CACNA1H: variants seen among roughly 807,000 people sequenced by gnomAD.
The protein encoded by CACNA1H is calcium voltage-gated channel subunit alpha1 H.
CACNA1H carries 149 observed loss-of-function variants against 192.5 expected under a neutral mutation model. The ratio of observed to expected loss-of-function variants is 0.77; its 90% CI spans 0.68 to 0.89. The LOEUF (loss-of-function observed/expected upper bound fraction) is 0.89, where lower values mean the gene tolerates loss of function less well. CACNA1H is among the 40% of genes least tolerant of loss of function. The pLI, the probability that CACNA1H is intolerant of heterozygous loss-of-function variation, is 0.00. For missense variants in CACNA1H, 4,257 were observed against 3,423.5 expected (o/e 1.24, Z -6.08); for synonymous variants, 2,202 against 1,475.2 (o/e 1.49, Z -11.29).
chr16:1,211,867 T>C, intron 24 of CACNA1H, 62 bp downstream of exon 24: 1 of 1,609,436 alleles, frequency 6.2e-7, no homozygotes, highest in Non-Finnish European at 8.5e-7. Flanking sequence ...TGCCTTGGCC[T>C]CTGGGGACTC....
rs751557016 is a variant in CACNA1H at position 1,210,986 on chromosome 16, G to A, written c.4223+15G>A. 13 of 1,589,460 alleles carry A rather than the reference G, an allele frequency of 8.2e-6. No individual in the cohort carries two copies. Among genetic ancestry groups the A allele is most frequent in the African/African-American group, 5.4e-5 (4 of 74,696 alleles). ...CGGCCTCTGAGGTGGGGGGCTCCCC[G>A]TGGGCTCCCGGGGCAACCTGGAAGC... is the stretch of plus-strand genomic sequence containing the variant. On this transcript the variant is annotated intron_variant, in intron 21 of 34. Transcript: ENST00000348261.
intron 19 of CACNA1H, 28 bp downstream of exon 19, chr16:1,210,521 G>T: frequency 6.2e-7 from 1 of 1,610,980 alleles, no homozygotes. Context: ...ATCGTCCCGG[G>T]CCACCACGAC....
chr16:1,155,677 G>A (rs1008284604), intron 2 of CACNA1H, among the ~76,000 whole-genome samples: 10 of 152,144 alleles, frequency 6.6e-5, no homozygotes, highest in South Asian at 4.1e-4. Context: ...TCACAGCCCC[G>A]GGCCTGGCTG....
intron 2 of CACNA1H, among the ~76,000 whole-genome samples, chr16:1,173,714 C>T (rs1483404899): frequency 3.3e-5 from 5 of 152,200 alleles, no homozygotes; most frequent in Admixed American, 6.5e-5. Flanking sequence ...TGGGGCTCCC[C>T]GGCCGCCGTG....
Position 1,220,158 on chromosome 16 carries a change from C to A in CACNA1H, c.6226C>A (p.Gln2076Lys). The change falls in exon 35 of 35, where the codon CAG becomes AAG. Residue 2076 changes from glutamine (Q) to lysine (K), a missense_variant. Transcript: ENST00000348261. ...SVRTRKHTFG[Q>K]RCVSSRPAAP... ...CCGCACTCGTAAGCATACCTTCGGA[C>A]AGCGCTGCGTCTCCAGCCGGCCGGC... 6.6e-7 allele frequency: 1 copy of A among 1,524,330 alleles called. No homozygotes were observed. The highest frequency in any genetic ancestry group is 1.3e-5 in the South Asian group (1 of 76,994). 94.4% of individuals were successfully genotyped at this position (1,524,330 alleles called of 1,614,324 possible). A position where few individuals can be genotyped will look rare whatever the true frequency, so the allele number is the denominator to read the frequency against.
chr16:1,158,915 G>GC (rs921984038), intron 2 of CACNA1H, among the ~76,000 whole-genome samples: 20 of 151,812 alleles, frequency 1.3e-4, no homozygotes, highest in African/African-American at 1.7e-4. Flanking sequence ...GCCCCGCAGA[G>GC]CCCCCCCGCT....
At chr16:1,158,603 C>T (rs1440927617) in intron 2 of CACNA1H, among the ~76,000 whole-genome samples, 1 of 152,216 alleles carries the variant, frequency 6.6e-6, no homozygotes, top group East Asian at 1.9e-4. Flanking sequence ...CGGGGCTACC[C>T]CGATGGACTC....
In CACNA1H at chr16:1,220,217, C is replaced by G. The variant is rs775776239; in HGVS notation, c.6285C>G (p.Asp2095Glu). 5 of 1,574,884 alleles carry G rather than the reference C, an allele frequency of 3.2e-6. No homozygotes were observed. Among genetic ancestry groups the G allele is most frequent in the East Asian group, 2.3e-5 (1 of 42,704 alleles). ...APGGEEAEASDPADEEVSHIT... is the reference protein window; with the variant it reads ...APGGEEAEASEPADEEVSHIT... ...GCGGAGAGGAGGCCGAGGCCTCGGACCCAGCCGACGAGGAGGTCAGCCACA... is the reference window on the plus strand; with the variant it reads ...GCGGAGAGGAGGCCGAGGCCTCGGAGCCAGCCGACGAGGAGGTCAGCCACA... The change falls in exon 35 of 35, where the codon GAC (aspartate) becomes GAG (glutamate). Residue 2095 changes from aspartate (D) to glutamate (E), a missense_variant. Coordinates refer to ENST00000348261, the MANE Select transcript of CACNA1H (RefSeq NM_021098.3).
At chr16:1,194,701 C>T (rs1024098888) in intron 2 of CACNA1H, among the ~76,000 whole-genome samples, 3 of 152,174 alleles carry the variant, frequency 2.0e-5, no homozygotes, top group Admixed American at 1.3e-4. Flanking sequence ...GGCTCCTGCA[C>T]CCCGCTTTCC....
chr16:1,172,163 CAG>C (rs1035101883), intron 2 of CACNA1H, among the ~76,000 whole-genome samples: 38 of 152,288 alleles, frequency 2.5e-4, no homozygotes, highest in African/African-American at 5.1e-4. Flanking sequence ...CGGTGGGTGT[CAG>C]GGGCGAGAGT....
At chr16:1,199,538 C>T (rs150471511) in intron 6 of CACNA1H, among the ~76,000 whole-genome samples, 3 of 150,630 alleles carry the variant, frequency 2.0e-5, no homozygotes, top group Non-Finnish European at 3.0e-5. Flanking sequence ...TCTCAGCCCC[C>T]AAGACAGGTT....
rs375169106 is a variant in CACNA1H, at chr16:1,210,666, G to A, written c.4038+15G>A. ...TGATGGTGAAGGTACCGCGGGGCCCGGGGACTGCCCTTGTTCCCAGGTCCC... is the reference window on the plus strand; with the variant it reads ...TGATGGTGAAGGTACCGCGGGGCCCAGGGACTGCCCTTGTTCCCAGGTCCC... On this transcript the variant is annotated intron_variant, in intron 20 of 34. Transcript: ENST00000348261. The A allele has an allele frequency of 2.4e-5, 38 of 1,598,502 alleles. No homozygotes were observed. Among genetic ancestry groups the A allele is most frequent in the East Asian group, 4.5e-5 (2 of 44,736 alleles).
intron 25 of CACNA1H, 73 bp from the exon 26 acceptor site, chr16:1,212,438 G>A (rs1969566248): frequency 6.9e-7 from 1 of 1,459,158 alleles, no homozygotes; most frequent in Non-Finnish European, 9.5e-7. Context: ...CGGGGGCTGA[G>A]GGAGAGCAGG....
intron 3 of CACNA1H, 134 bp from the exon 4 acceptor site, chr16:1,195,298 T>C: frequency 1.3e-6 from 1 of 759,222 alleles, no homozygotes; most frequent in Non-Finnish European, 1.7e-6. Flanking sequence ...GCTCAGTTCC[T>C]GGGGCTCAGG....
Position 1,202,070 on chromosome 16 carries a change from C to A in CACNA1H, c.1620C>A (p.Gly540=), listed in dbSNP as rs1424475117. ...GCCATGGCAGCCCCCGCAGGCCCGG[C>A]CCCGAGCCAGGCGCCTGCGACACCA... The part of the protein sequence containing the change: ...HFSHGSPRRP[G]PEPGACDTRL... Residue 540 remains glycine, a synonymous_variant, in exon 9 of 35, where the codon GGC becomes GGA. Coordinates refer to ENST00000348261, the MANE Select transcript of CACNA1H (RefSeq NM_021098.3). The A allele has an allele frequency of 1.2e-5, 19 of 1,540,294 alleles. No homozygotes were observed. The highest frequency in any genetic ancestry group is 2.7e-5 in the African/African-American group (2 of 72,954).
chr16:1,184,157 G>C (rs1030660822), intron 2 of CACNA1H, among the ~76,000 whole-genome samples: 3 of 152,224 alleles, frequency 2.0e-5, no homozygotes, highest in Non-Finnish European at 2.9e-5. Context: ...TGCCCACAGG[G>C]GGCTTCCGGT....
rs1013507067 is a variant in CACNA1H at position 1,210,163 on chromosome 16, T to A, written c.3845+28T>A. The A allele has an allele frequency of 3.3e-6, 5 of 1,526,416 alleles. No individual in the cohort carries two copies. In the African/African-American group the frequency reaches 6.9e-5, roughly 21 times the overall value. 94.6% of individuals were successfully genotyped at this position (1,526,416 alleles called of 1,614,324 possible). A position where few individuals can be genotyped will look rare whatever the true frequency, so the allele number is the denominator to read the frequency against. On this transcript the variant is annotated intron_variant, in intron 18 of 34. Transcript: ENST00000348261. ...GAGGCGGCCGGGTCAGGAGGCTGCA[T>A]GGCTAGTTCCACCCCACGGGACCCC...
chr16:1,201,592 C>T (rs1341660448), intron 8 of CACNA1H, 71 bp from the exon 9 acceptor site: 1 of 1,481,874 alleles, frequency 6.7e-7, no homozygotes, highest in South Asian at 1.4e-5. Context: ...ACAGGCAGCG[C>T]ACAGTAGGGC....
At chr16:1,160,581 GC>G (rs1963063376) in intron 2 of CACNA1H, among the ~76,000 whole-genome samples, 1 of 152,210 alleles carries the variant, frequency 6.6e-6, no homozygotes, top group African/African-American at 2.4e-5. Context: ...TTGCCGTGGT[GC>G]AGGGGGTGTG....
Sources: gnomAD v4.1 joint callset for allele counts (sites outside exome capture counted in the v4.1 genomes callset) on GRCh38, gnomAD v4.1.1 for gene constraint, MANE v1.5 for transcripts, NCBI Gene and HGNC (gene_info 2026-07-23, HGNC 2026-07-21) for gene names.